PARD3: variants seen among roughly 807,000 people sequenced by gnomAD.
The protein encoded by PARD3 is par-3 family cell polarity regulator, also known as partitioning defective 3 homolog.
Under a neutral mutation model 155.4 loss-of-function variants are expected in PARD3, and 75 were observed. That is an observed-to-expected ratio of 0.48 (90% CI 0.40 to 0.58). The LOEUF is 0.58. Among genes scored for constraint, PARD3 ranks in the 20% least tolerant of loss-of-function variants. The pLI is 0.00. For synonymous variants in PARD3, 576 were observed against 610.5 expected (o/e 0.94, Z 0.83); for missense variants, 1,642 against 1,721.7 (o/e 0.95, Z 0.82).
chr10:34,163,195 C>T (rs1408762474), intron 22 of PARD3, among the ~76,000 whole-genome samples: 1 of 152,072 alleles, frequency 6.6e-6, no homozygotes, highest in African/African-American at 2.4e-5. Context: ...GTTGCGTATT[C>T]ACCTAGGAAG....
chr10:34,418,422 C>T (rs549983357), intron 5 of PARD3, among the ~76,000 whole-genome samples: 2 of 152,148 alleles, frequency 1.3e-5, no homozygotes, highest in African/African-American at 4.8e-5. Flanking sequence ...AATCTGCCCA[C>T]GTAGGCCTCC....
intron 7 of PARD3, among the ~76,000 whole-genome samples, chr10:34,394,544 T>G (rs1431539078): frequency 6.6e-6 from 1 of 152,152 alleles, no homozygotes; most frequent in African/African-American, 2.4e-5. Context: ...AAGACTGGAC[T>G]TGAACTCCTG....
chr10:34,452,612 C>G (rs2077119361), intron 4 of PARD3, among the ~76,000 whole-genome samples: 2 of 152,128 alleles, frequency 1.3e-5, no homozygotes, highest in South Asian at 4.1e-4. Context: ...GAATCTATGC[C>G]ATTTTTCCTC....
At chr10:34,593,520 G>A (rs944380984) in intron 2 of PARD3, among the ~76,000 whole-genome samples, 10 of 152,070 alleles carry the variant, frequency 6.6e-5, no homozygotes, top group Non-Finnish European at 1.5e-4. Flanking sequence ...ATGAGCTCAC[G>A]CACACACAGA....
At chr10:34,224,746 C>T (rs909463065) in intron 22 of PARD3, among the ~76,000 whole-genome samples, 3 of 152,150 alleles carry the variant, frequency 2.0e-5, no homozygotes, top group Admixed American at 6.5e-5. Context: ...TGGAACTGGT[C>T]GCGTGTCTGC....
chr10:34,409,691 C>T (rs1023398413), intron 5 of PARD3, among the ~76,000 whole-genome samples: 5 of 152,140 alleles, frequency 3.3e-5, no homozygotes, highest in Non-Finnish European at 7.3e-5. Flanking sequence ...CTAGTTGACA[C>T]GATTTTATTC....
chr10:34,540,601 A>AAAAC (rs200036252), intron 2 of PARD3, among the ~76,000 whole-genome samples: 1 of 152,132 alleles, frequency 6.6e-6, no homozygotes, highest in African/African-American at 2.4e-5. Context: ...TGTCTCTACA[A>AAAAC]AAACAAACAA....
chr10:34,431,420 A>T (rs1026549355), intron 5 of PARD3, among the ~76,000 whole-genome samples: 21 of 152,178 alleles, frequency 1.4e-4, no homozygotes, highest in Admixed American at 1.0e-3. Context: ...TGATGCCTAA[A>T]AAAGTTAAAT....
rs577640945 is a variant in PARD3, at chr10:34,593,034, A to G, written c.223-75875T>C. Among the ~76,000 whole-genome samples the G allele has an allele frequency of 4.3e-4, 65 of 152,346 alleles. 1 individual carries two copies. Among genetic ancestry groups the G allele is most frequent in the Middle Eastern group, 3.4e-3 (1 of 294 alleles). On this transcript the variant is annotated intron_variant, in intron 2 of 24. Transcript: ENST00000374788. ...TGAAAGACAAATGGATGCTGCACCCATTGTTAAGCTGTAACATTGTAAAGG... is the reference window on the plus strand; with the variant it reads ...TGAAAGACAAATGGATGCTGCACCCGTTGTTAAGCTGTAACATTGTAAAGG...
intron 2 of PARD3, among the ~76,000 whole-genome samples, chr10:34,533,173 T>C (rs1217916794): frequency 2.0e-5 from 3 of 152,214 alleles, no homozygotes; most frequent in Non-Finnish European, 2.9e-5. Flanking sequence ...TGTTATTCAG[T>C]AAATGACCAT....
chr10:34,197,999 A>G (rs1231346321), intron 22 of PARD3, among the ~76,000 whole-genome samples: 1 of 152,176 alleles, frequency 6.6e-6, no homozygotes, highest in East Asian at 1.9e-4. Flanking sequence ...GCCTCCCAAA[A>G]TGCAGGCATG....
At chr10:34,517,261 T>C (rs2081836936) in intron 2 of PARD3, 102 bp from the exon 3 acceptor site, 1 of 1,010,608 alleles carries the variant, frequency 9.9e-7, no homozygotes, top group Non-Finnish European at 1.4e-6. Flanking sequence ...AAAATACTGA[T>C]ATAAATGACC....
At chr10:34,387,909 A>G (rs1842506504) in intron 7 of PARD3, among the ~76,000 whole-genome samples, 1 of 152,220 alleles carries the variant, frequency 6.6e-6, no homozygotes, top group East Asian at 1.9e-4. Flanking sequence ...ATCAATGGCC[A>G]AATGCATTAG....
chr10:34,126,738 T>C (rs1260435224), intron 23 of PARD3, among the ~76,000 whole-genome samples: 1 of 149,818 alleles, frequency 6.7e-6, no homozygotes, highest in Non-Finnish European at 1.5e-5. Flanking sequence ...TGAAAATTAA[T>C]ACACTAAGTA....
intron 3 of PARD3, among the ~76,000 whole-genome samples, chr10:34,482,496 C>A (rs2079148900): frequency 1.3e-5 from 2 of 151,992 alleles, no homozygotes; most frequent in East Asian, 3.9e-4. Flanking sequence ...AGGAACAAAT[C>A]CTCTAACAGA....
intron 22 of PARD3, among the ~76,000 whole-genome samples, chr10:34,191,523 A>G (rs977137278): frequency 6.6e-6 from 1 of 152,044 alleles, no homozygotes. Flanking sequence ...GGAAACACCA[A>G]CTGTGACCCT....
In PARD3 at chr10:34,762,523, G is replaced by A. The variant is rs1837593485; in HGVS notation, c.120+52353C>T. Among the ~76,000 whole-genome samples, 4 of 141,298 alleles carry A rather than the reference G, an allele frequency of 2.8e-5. No homozygotes were observed. The South Asian group carries it at 9.7e-4, about 34-fold the overall frequency. 92.7% of individuals were successfully genotyped at this position (141,298 alleles called of 152,430 possible). Reference sequence around the variant, plus strand: ...GGGGTCCCACTAGGTTGCCCAGGCTGGTCTTGAACTCCCGGACTCAAGCAA... The same window carrying A: ...GGGGTCCCACTAGGTTGCCCAGGCTAGTCTTGAACTCCCGGACTCAAGCAA... On this transcript the variant is annotated intron_variant, in intron 1 of 24. Coordinates refer to ENST00000374788, the MANE Select transcript of PARD3 (RefSeq NM_001184785.2).
rs73255010 is a variant in PARD3, at chr10:34,760,646, T to C, written c.120+54230A>G. 9.2e-3 allele frequency among the ~76,000 whole-genome samples: 1,407 copies of C among 152,262 alleles called. 26 individuals carry two copies. The highest frequency in any genetic ancestry group is 0.032 in the African/African-American group (1,314 of 41,558). On this transcript the variant is annotated intron_variant, in intron 1 of 24. Coordinates refer to ENST00000374788, the MANE Select transcript of PARD3 (RefSeq NM_001184785.2). ...GTGCCCAGCCCCATTCTACTTCTAATATAATAGCAGAAGTGACAGGATGTT... is the reference window on the plus strand; with the variant it reads ...GTGCCCAGCCCCATTCTACTTCTAACATAATAGCAGAAGTGACAGGATGTT...
chr10:34,801,605 G>A (rs1842849577), intron 1 of PARD3, among the ~76,000 whole-genome samples: 1 of 152,182 alleles, frequency 6.6e-6, no homozygotes, highest in African/African-American at 2.4e-5. Flanking sequence ...ACTCCTGGGT[G>A]AAGTCTTCAG....
Sources: allele counts gnomAD v4.1 joint callset (sites outside exome capture counted in the v4.1 genomes callset), GRCh38; gene constraint gnomAD v4.1.1; transcripts MANE v1.5; gene names NCBI Gene and HGNC (gene_info 2026-07-23, HGNC 2026-07-21).